ALPK2: variants seen among roughly 807,000 people sequenced by gnomAD.
ALPK2 encodes alpha kinase 2.
In ALPK2, 127 loss-of-function variants were observed where a neutral mutation model predicts 163.1. That is an observed-to-expected ratio of 0.78 (90% confidence interval 0.67 to 0.90). ALPK2 has a LOEUF of 0.90. Ranked by LOEUF, ALPK2 falls within the 40% of genes least tolerant of loss-of-function variation. The probability of loss-of-function intolerance (pLI) is 0.00; values close to 1 mark genes in which losing one functional copy is unlikely to be tolerated. For synonymous variants in ALPK2, 953 were observed against 959.1 expected, an observed-to-expected ratio of 0.99 and a Z score of 0.12; for missense variants, 2,360 against 2,589.6, an observed-to-expected ratio of 0.91 and a Z score of 1.92.
intron 12 of ALPK2, among the ~76,000 whole-genome samples, chr18:58,485,796 C>T (rs1237562734): frequency 6.6e-6 from 1 of 151,818 alleles, no homozygotes; most frequent in East Asian, 1.9e-4. Flanking sequence ...TGGGGGGGGA[C>T]CCCGGTTGCT....
At chr18:58,542,049 T>C (rs1025588264) in intron 4 of ALPK2, among the ~76,000 whole-genome samples, 2 of 152,180 alleles carry the variant, frequency 1.3e-5, no homozygotes, top group African/African-American at 4.8e-5. Flanking sequence ...ACAATTTCCT[T>C]ATGTAGGGAA....
intron 6 of ALPK2, among the ~76,000 whole-genome samples, chr18:58,525,763 C>T (rs894760112): frequency 1.3e-5 from 2 of 151,954 alleles, no homozygotes; most frequent in African/African-American, 2.4e-5. Context: ...ATGACACCGG[C>T]GTGTGAAGCT....
At chr18:58,550,509 A>ATCCCAT in intron 4 of ALPK2, among the ~76,000 whole-genome samples, 1 of 151,546 alleles carries the variant, frequency 6.6e-6, no homozygotes, top group Non-Finnish European at 1.5e-5. Flanking sequence ...ATCATATACA[A>ATCCCAT]CCCCATCCCC....
intron 1 of ALPK2, among the ~76,000 whole-genome samples, chr18:58,612,341 G>C (rs2052137297): frequency 1.3e-5 from 2 of 152,196 alleles, no homozygotes; most frequent in Non-Finnish European, 2.9e-5. Context: ...CATGTCAGTT[G>C]TGTTGAAATG....
chr18:58,579,038 T>C lies in ALPK2; in HGVS notation c.1738A>G (p.Lys580Glu). Reference sequence around the variant, plus strand: ...GCTGTGGTGTGAGAAGTCTCTCTTTTATCACTCTGGGTTAGTGGGGGCTCA... The same window carrying C: ...GCTGTGGTGTGAGAAGTCTCTCTTTCATCACTCTGGGTTAGTGGGGGCTCA... ...SAEPPLTQSD[K>E]RETSHTTAAA... is the part of the protein sequence containing the mutation. The change falls in exon 4 of 13, where the codon AAA (lysine) becomes GAA (glutamate). Residue 580 changes from lysine (K) to glutamate (E), a missense_variant. Coordinates refer to ENST00000361673, the MANE Select transcript of ALPK2 (RefSeq NM_052947.4). 6.2e-7 allele frequency: 1 copy of C among 1,614,220 alleles called. No individual in the cohort carries two copies. Among genetic ancestry groups the C allele is most frequent in the Non-Finnish European group, 8.5e-7 (1 of 1,180,034 alleles).
At chr18:58,495,448 A>T (rs2051396774) in intron 12 of ALPK2, among the ~76,000 whole-genome samples, 1 of 152,104 alleles carries the variant, frequency 6.6e-6, no homozygotes, top group Non-Finnish European at 1.5e-5. Context: ...AGTGCTTCTA[A>T]TGGGTCTTGG....
intron 2 of ALPK2, among the ~76,000 whole-genome samples, chr18:58,608,830 T>A (rs1053433040): frequency 6.6e-6 from 1 of 152,068 alleles, no homozygotes; most frequent in Non-Finnish European, 1.5e-5. Flanking sequence ...TGTACACCTG[T>A]AGTCTCAGCT....
chr18:58,500,547 T>C (rs752815725), intron 11 of ALPK2, among the ~76,000 whole-genome samples: 10 of 152,234 alleles, frequency 6.6e-5, no homozygotes, highest in Non-Finnish European at 1.2e-4. Context: ...AATCCTAGTG[T>C]GCAGCTATCA....
chr18:58,590,665 C>T (rs2052010572), intron 3 of ALPK2, among the ~76,000 whole-genome samples: 1 of 152,178 alleles, frequency 6.6e-6, no homozygotes, highest in Non-Finnish European at 1.5e-5. Flanking sequence ...TCCCAAGCCC[C>T]AAAACTATGT....
At chr18:58,615,855 G>T (rs1180621269) in intron 1 of ALPK2, among the ~76,000 whole-genome samples, 1 of 152,216 alleles carries the variant, frequency 6.6e-6, no homozygotes, top group Non-Finnish European at 1.5e-5. Context: ...ATGACTTCCT[G>T]ACAGTGTTGT....
intron 3 of ALPK2, among the ~76,000 whole-genome samples, chr18:58,606,305 C>T (rs1333357575): frequency 6.6e-6 from 1 of 152,160 alleles, no homozygotes; most frequent in Admixed American, 6.5e-5. Context: ...GTCTCAAACT[C>T]CTGGCCTCAA....
chr18:58,491,178 C>A (rs941914337), intron 12 of ALPK2, among the ~76,000 whole-genome samples: 2 of 152,194 alleles, frequency 1.3e-5, no homozygotes, highest in African/African-American at 4.8e-5. Context: ...GAACTGACTC[C>A]GTCTTGCTTC....
At chr18:58,521,627 C>CTT (rs398033036) in intron 8 of ALPK2, among the ~76,000 whole-genome samples, 6,424 of 55,418 alleles carry the variant, frequency 0.12, 966 homozygotes, top group Non-Finnish European at 0.15. Flanking sequence ...TTCTCTCTCT[C>CTT]TTTTTTTTTT....
At chr18:58,622,203 C>T (rs12326359) in intron 1 of ALPK2, among the ~76,000 whole-genome samples, 3,826 of 151,828 alleles carry the variant, frequency 0.025, 154 homozygotes, top group African/African-American at 0.088. Flanking sequence ...AAAAATTAGC[C>T]GGGTGTGGTG....
rs571900746 is a variant in ALPK2 at position 58,512,471 on chromosome 18, G to A, written c.6029+2522C>T. 1.4e-3 allele frequency among the ~76,000 whole-genome samples: 209 copies of A among 152,340 alleles called. 1 individual carries two copies. The highest frequency in any genetic ancestry group is 4.7e-3 in the African/African-American group (197 of 41,564). On this transcript the variant is annotated intron_variant, in intron 10 of 12. Coordinates refer to ENST00000361673, the MANE Select transcript of ALPK2 (RefSeq NM_052947.4). ...AAATAAATATGGGGGTGGCCCCAGC[G>A]GGGGTCAGTCTAGGGGCTGTGGCAG...
intron 4 of ALPK2, among the ~76,000 whole-genome samples, chr18:58,575,206 C>CAA (rs536358887): frequency 1.2e-4 from 15 of 124,950 alleles, no homozygotes; most frequent in Middle Eastern, 4.2e-3. Context: ...AACCTCGTTT[C>CAA]AAAAAAAAAA....
intron 1 of ALPK2, among the ~76,000 whole-genome samples, chr18:58,613,433 G>A (rs970632171): frequency 1.2e-4 from 18 of 152,100 alleles, no homozygotes; most frequent in Non-Finnish European, 2.2e-4. Flanking sequence ...GGTGGCTCAC[G>A]CCTCTCATCC....
rs750898254 is a variant in ALPK2 at position 58,579,859 on chromosome 18, C to A, written c.917G>T (p.Ser306Ile). ...TATCTCTGGGCAAAGTTCATAGTCA[C>A]TGTCAGAGTCTTCACTGGAAAGCTG... ...SPQLSSEDSD[S>I]DYELCPEITL... The change falls in exon 4 of 13, where the codon AGT becomes ATT. Residue 306 changes from serine to isoleucine, a missense_variant. Coordinates refer to ENST00000361673, the MANE Select transcript of ALPK2 (RefSeq NM_052947.4). 6.2e-7 allele frequency: 1 copy of A among 1,614,106 alleles called. No individual in the cohort carries two copies. The highest frequency in any genetic ancestry group is 1.3e-5 in the African/African-American group (1 of 74,946).
chr18:58,522,907 CT>C lies in ALPK2; in HGVS notation c.5665+898del, dbSNP rs200363993. On this transcript the variant is annotated intron_variant, in intron 8 of 12. Transcript: ENST00000361673. Reference sequence around the variant, plus strand: ...GGCTCATGAATTGTCATTTCTTTCTCTTTTTTTTTTCTGATTTTTTTTTAAT... The same window carrying C: ...GGCTCATGAATTGTCATTTCTTTCTCTTTTTTTTTCTGATTTTTTTTTAAT... Among the ~76,000 whole-genome samples, 1,154 of 148,832 alleles carry C rather than the reference CT, an allele frequency of 7.8e-3. 28 individuals carry two copies. The highest frequency in any genetic ancestry group is 0.062 in the Admixed American group (930 of 14,944).
Sources: allele counts gnomAD v4.1 joint callset (sites outside exome capture counted in the v4.1 genomes callset), GRCh38; gene constraint gnomAD v4.1.1; transcripts MANE v1.5; gene names NCBI Gene and HGNC (gene_info 2026-07-23, HGNC 2026-07-21).